The following ZNF277 variants were observed in gnomAD, a reference collection of about 807,000 sequenced individuals.
The protein encoded by ZNF277 is zinc finger protein 277.
In ZNF277, 55 loss-of-function variants were observed where a neutral mutation model predicts 60.7. The observed-to-expected ratio is 0.91, with a 90% CI of 0.73 to 1.13. The LOEUF is 1.13. Ranked by LOEUF, ZNF277 falls within the 50% of genes most tolerant of loss-of-function variation. The probability of loss-of-function intolerance (pLI) is 0.00; values close to 1 mark genes in which losing one functional copy is unlikely to be tolerated. For synonymous variants in ZNF277, 178 were observed against 179.3 expected, an observed-to-expected ratio of 0.99 and a Z score of 0.06; for missense variants, 510 against 523.0, an observed-to-expected ratio of 0.98 and a Z score of 0.24.
chr7:112,310,550 T>G (rs1792707771), intron 4 of ZNF277, among the ~76,000 whole-genome samples: 1 of 151,952 alleles, frequency 6.6e-6, no homozygotes, highest in African/African-American at 2.4e-5. Flanking sequence ...CTTTCTTCTT[T>G]TACTCCCATT....
chr7:112,216,012 A>C (rs746129298), intron 1 of ZNF277, among the ~76,000 whole-genome samples: 9 of 152,344 alleles, frequency 5.9e-5, no homozygotes, highest in Non-Finnish European at 1.3e-4. Flanking sequence ...ACATAACATC[A>C]ATCAAGCTGT....
At chr7:112,226,312 A>AT (rs147334317) in intron 1 of ZNF277, among the ~76,000 whole-genome samples, 15,345 of 152,122 alleles carry the variant, frequency 0.1, 887 homozygotes, top group Middle Eastern at 0.24. Flanking sequence ...AGAAACAGGT[A>AT]TTTTTTCTGC....
At chr7:112,254,302 A>G (rs928879612) in intron 1 of ZNF277, among the ~76,000 whole-genome samples, 12 of 152,296 alleles carry the variant, frequency 7.9e-5, no homozygotes, top group Admixed American at 6.5e-4. Flanking sequence ...TAGTGTTGCT[A>G]ATTTACATGC....
chr7:112,277,661 G>A (rs1791839054), intron 1 of ZNF277, among the ~76,000 whole-genome samples: 1 of 152,132 alleles, frequency 6.6e-6, no homozygotes, highest in Non-Finnish European at 1.5e-5. Context: ...CTCCGCATGT[G>A]CCTAATAGCT....
rs1791218898 is a variant in ZNF277 at position 112,252,406 on chromosome 7, T to C, written c.92-34467T>C. ...GAATGAATGGAGCAGGATAGCACAA[T>C]ATTTTTTCTGTGTGCGGTACAAGGG... On this transcript the variant is annotated intron_variant, in intron 1 of 11. Transcript: ENST00000361822. Among the ~76,000 whole-genome samples the C allele has an allele frequency of 3.9e-5, 6 of 152,196 alleles. No homozygotes were observed. In the South Asian group the frequency reaches 1.2e-3, roughly 31 times the overall value.
chr7:112,309,766 C>G (rs1357222138), intron 4 of ZNF277, among the ~76,000 whole-genome samples: 1 of 151,982 alleles, frequency 6.6e-6, no homozygotes, highest in Non-Finnish European at 1.5e-5. Context: ...TGGCTTCTCA[C>G]CATCTGGCTA....
intron 1 of ZNF277, among the ~76,000 whole-genome samples, chr7:112,261,803 T>G: frequency 6.6e-6 from 1 of 152,160 alleles, no homozygotes; most frequent in East Asian, 1.9e-4. Context: ...TTCAGCTCAC[T>G]TTCACTTGAA....
chr7:112,214,345 A>G (rs1418151446), intron 1 of ZNF277, among the ~76,000 whole-genome samples: 7 of 152,214 alleles, frequency 4.6e-5, no homozygotes, highest in Non-Finnish European at 1.0e-4. Context: ...TTCTTAGAGA[A>G]CTTTGCCACA....
rs71150013 is a variant in ZNF277 at position 112,228,454 on chromosome 7, C to CT, written c.91+21674dup. 8.8e-4 allele frequency among the ~76,000 whole-genome samples: 32 copies of CT among 36,408 alleles called. 4 individuals carry two copies. Among genetic ancestry groups the CT allele is most frequent in the Admixed American group, 2.1e-3 (4 of 1,890 alleles). The allele number at this position is 36,408 out of a possible 152,430, so 23.9% of individuals were successfully genotyped here. A position where few individuals can be genotyped will look rare whatever the true frequency, so the allele number is the denominator to read the frequency against. On this transcript the variant is annotated intron_variant, in intron 1 of 11. Coordinates refer to ENST00000361822, the MANE Select transcript of ZNF277 (RefSeq NM_021994.3). ...ATGTTCTTTCTGGAAGAGGAGAGGC[C>CT]TTTTTTTTTTTTTTTTTTTTTTTTT...
intron 5 of ZNF277, among the ~76,000 whole-genome samples, chr7:112,324,049 C>T (rs532875783): frequency 6.6e-6 from 1 of 152,146 alleles, no homozygotes; most frequent in Non-Finnish European, 1.5e-5. Context: ...TTATTACATG[C>T]TTTTAAGGAC....
Position 112,310,080 on chromosome 7 carries a change from G to GT in ZNF277, c.466-8101dup, listed in dbSNP as rs572277895. On this transcript the variant is annotated intron_variant, in intron 4 of 11. Transcript: ENST00000361822. ...AGAGTTTTTATTGTGGCTTCATTGA[G>GT]TAGGTATAATTGATTAAGTCATTGG... Among the ~76,000 whole-genome samples the GT allele has an allele frequency of 1.4e-4, 22 of 152,182 alleles. No individual in the cohort carries two copies. The East Asian group carries it at 4.2e-3, about 29-fold the overall frequency.
chr7:112,296,888 T>TTTTATTTATTTATTTATTTATTTATTTA (rs764539582), intron 4 of ZNF277, among the ~76,000 whole-genome samples: 2 of 62,194 alleles, frequency 3.2e-5, no homozygotes, highest in African/African-American at 1.2e-4. Flanking sequence ...CTTATTTTTA[T>TTTTATTTATTTATTTATTTATTTATTTA]TTTATTTATT....
At chr7:112,237,556 A>G (rs1439572774) in intron 1 of ZNF277, among the ~76,000 whole-genome samples, 2 of 152,196 alleles carry the variant, frequency 1.3e-5, no homozygotes, top group Non-Finnish European at 2.9e-5. Flanking sequence ...ACAAAAGATC[A>G]TCAGAGACTA....
At chr7:112,333,545 G>A (rs1238334060) in intron 7 of ZNF277, among the ~76,000 whole-genome samples, 2 of 152,168 alleles carry the variant, frequency 1.3e-5, no homozygotes, top group Non-Finnish European at 2.9e-5. Context: ...AAACGCCATA[G>A]ACTCTGCCAG....
intron 1 of ZNF277, among the ~76,000 whole-genome samples, chr7:112,262,127 C>T (rs1226115252): frequency 6.6e-6 from 1 of 151,830 alleles, no homozygotes; most frequent in Admixed American, 6.6e-5. Context: ...TCTCAGCCAG[C>T]CTGCATGTAA....
chr7:112,297,713 T>A (rs533294151), intron 4 of ZNF277, among the ~76,000 whole-genome samples: 6 of 152,212 alleles, frequency 3.9e-5, no homozygotes, highest in Admixed American at 6.5e-5. Context: ...TTTACTATCA[T>A]GTCTTATGGA....
intron 1 of ZNF277, among the ~76,000 whole-genome samples, chr7:112,260,768 T>G (rs561711714): frequency 6.6e-6 from 1 of 152,310 alleles, no homozygotes; most frequent in South Asian, 2.1e-4. Context: ...GGAGGTGGGC[T>G]AGGCGGAGAG....
chr7:112,268,312 G>A (rs1043406513), intron 1 of ZNF277, among the ~76,000 whole-genome samples: 1 of 151,240 alleles, frequency 6.6e-6, no homozygotes, highest in African/African-American at 2.4e-5. Flanking sequence ...TGAGTATTTT[G>A]AATCAGTTTT....
At chr7:112,228,926 CT>C (rs1822249945) in intron 1 of ZNF277, among the ~76,000 whole-genome samples, 2 of 152,174 alleles carry the variant, frequency 1.3e-5, no homozygotes, top group South Asian at 4.1e-4. Flanking sequence ...AATAAATAAT[CT>C]TACCTCACAG....
Sources: gnomAD v4.1 joint callset for allele counts (sites outside exome capture counted in the v4.1 genomes callset) on GRCh38, gnomAD v4.1.1 for gene constraint, MANE v1.5 for transcripts, NCBI Gene and HGNC (gene_info 2026-07-23, HGNC 2026-07-21) for gene names.